VPS37A: variants seen among roughly 807,000 people sequenced by gnomAD.
VPS37A encodes VPS37A subunit of ESCRT-I, also known as vacuolar protein sorting-associated protein 37A.
Under a neutral mutation model 49.8 loss-of-function variants are expected in VPS37A, and 30 were observed. The ratio of observed to expected loss-of-function variants is 0.60; its 90% CI spans 0.45 to 0.82. The LOEUF is 0.82. Among genes scored for constraint, VPS37A ranks in the 40% least tolerant of loss-of-function variants. The pLI is 0.00. For synonymous variants in VPS37A, 195 were observed against 160.6 expected (o/e 1.21, Z -1.62); for missense variants, 593 against 464.4 (o/e 1.28, Z -2.55).
chr8:17,274,707 T>C (rs1013126709), intron 4 of VPS37A, 26 bp from the exon 5 acceptor site: 10 of 1,570,822 alleles, frequency 6.4e-6, no homozygotes, highest in South Asian at 1.1e-5. Context: ...AAATCTAATG[T>C]AATGATCTTC....
chr8:17,279,518 A>C (rs575557175), intron 6 of VPS37A, among the ~76,000 whole-genome samples: 1 of 152,252 alleles, frequency 6.6e-6, no homozygotes, highest in South Asian at 2.1e-4. Flanking sequence ...TAAATTTTAC[A>C]TATCAGTAAG....
At chr8:17,249,278 G>A (rs1811754008) in intron 1 of VPS37A, among the ~76,000 whole-genome samples, 2 of 152,298 alleles carry the variant, frequency 1.3e-5, no homozygotes, top group African/African-American at 4.8e-5. Flanking sequence ...AGCAGCAATT[G>A]TTAATGTAAA....
the VPS37A span, among the ~76,000 whole-genome samples, chr8:17,312,399 AC>A: frequency 6.6e-6 from 1 of 152,030 alleles, no homozygotes; most frequent in South Asian, 2.1e-4. Flanking sequence ...ACATGGTGAA[AC>A]CCCGTCTCTA....
chr8:17,317,018 A>C, the VPS37A span, among the ~76,000 whole-genome samples: 4 of 152,160 alleles, frequency 2.6e-5, no homozygotes, highest in African/African-American at 7.2e-5. Context: ...GGTAATGCTG[A>C]TGCTTTAAGT....
chr8:17,300,115 T>C (rs781461737), downstream of VPS37A: 8 of 1,614,160 alleles, frequency 5.0e-6, no homozygotes, highest in South Asian at 1.1e-5. Context: ...CTGGGGAGTG[T>C]TGGCTATGCT....
In VPS37A at chr8:17,276,482, T is replaced by G. The variant is rs745575912; in HGVS notation, c.713+15T>G. 1 of 1,604,264 alleles carries G rather than the reference T, an allele frequency of 6.2e-7. No homozygotes were observed. The highest frequency in any genetic ancestry group is 8.5e-7 in the Non-Finnish European group (1 of 1,175,458). On this transcript the variant is annotated intron_variant, in intron 6 of 11. Transcript: ENST00000324849. ...TCAGAACTAAGGTAAACCTGGAAAGTAAAGTTGGTCACATTGTCTATTTTA... is the reference window on the plus strand; with the variant it reads ...TCAGAACTAAGGTAAACCTGGAAAGGAAAGTTGGTCACATTGTCTATTTTA...
rs773370398 is a variant in VPS37A at position 17,286,398 on chromosome 8, A to G, written c.1165A>G (p.Met389Val). The change falls in exon 11 of 12, where the codon ATG becomes GTG. Residue 389 changes from methionine (M) to valine (V), a missense_variant. Physicochemically the swap from Met to Val is conservative, Grantham distance 21 (BLOSUM62 1). Coordinates refer to ENST00000324849, the MANE Select transcript of VPS37A (RefSeq NM_152415.3). The part of the protein sequence containing the change: ...KEEKLQQAIA[M>V]HSQFHAPL ...AGAGAAACTTCAGCAGGCGATAGCA[A>G]TGCACAGCCAATTTCATGCTCCACT... 29 of 1,613,802 alleles carry G rather than the reference A, an allele frequency of 1.8e-5. No homozygotes were observed. The highest frequency in any genetic ancestry group is 5.0e-5 in the Admixed American group (3 of 59,982).
At chr8:17,251,771 C>G (rs1812004438) in intron 1 of VPS37A, among the ~76,000 whole-genome samples, 1 of 152,152 alleles carries the variant, frequency 6.6e-6, no homozygotes, top group South Asian at 2.1e-4. Flanking sequence ...GCCATTCTCC[C>G]TAGTCTTTAA....
the VPS37A span, chr8:17,331,208 C>T: frequency 1.9e-6 from 3 of 1,612,752 alleles, no homozygotes; most frequent in Non-Finnish European, 2.5e-6. Flanking sequence ...TCCCGATAAA[C>T]TGAAACTTGA....
intron 1 of VPS37A, 52 bp downstream of exon 1, chr8:17,247,421 G>GGGGGA: frequency 1.8e-5 from 3 of 163,976 alleles, no homozygotes; most frequent in South Asian, 5.2e-5. Context: ...GGGAGGGCGG[G>GGGGGA]CTTGTCCTAA....
chr8:17,327,703 C>G, the VPS37A span, among the ~76,000 whole-genome samples: 1 of 151,750 alleles, frequency 6.6e-6, no homozygotes, highest in Non-Finnish European at 1.5e-5. Flanking sequence ...TTAAATAATA[C>G]GATAAATATT....
the VPS37A span, chr8:17,326,311 GCAA>G: frequency 2.0e-5 from 3 of 152,126 alleles, no homozygotes; most frequent in African/African-American, 2.4e-5. Flanking sequence ...GATAAGAGTG[GCAA>G]CAACAACTTC....
chr8:17,323,098 C>T, the VPS37A span, among the ~76,000 whole-genome samples: 1 of 151,844 alleles, frequency 6.6e-6, no homozygotes, highest in Non-Finnish European at 1.5e-5. Context: ...CAGGCATACA[C>T]CACCACGCCC....
At chr8:17,299,491 CATG>C, downstream of VPS37A, 1 of 182,214 alleles carries the variant, frequency 5.5e-6, no homozygotes, top group South Asian at 1.3e-4. Flanking sequence ...CTAAAAGAAT[CATG>C]ATGATCACAG....
chr8:17,256,604 T>C (rs1812484930), intron 1 of VPS37A, among the ~76,000 whole-genome samples: 1 of 151,260 alleles, frequency 6.6e-6, no homozygotes, highest in South Asian at 2.1e-4. Flanking sequence ...CTCTTTACTT[T>C]GTTGATTGTT....
At chr8:17,270,520 C>A (rs986569648) in intron 4 of VPS37A, among the ~76,000 whole-genome samples, 5 of 152,116 alleles carry the variant, frequency 3.3e-5, no homozygotes, top group East Asian at 3.9e-4. Flanking sequence ...AGCATTCCAA[C>A]CAAGTGGAAG....
chr8:17,300,856 G>T (rs1320654764), downstream of VPS37A, among the ~76,000 whole-genome samples: 1 of 152,158 alleles, frequency 6.6e-6, no homozygotes, highest in Non-Finnish European at 1.5e-5. Context: ...TATATAAATT[G>T]AATGGAATCA....
chr8:17,301,912 A>C, downstream of VPS37A: 3 of 443,206 alleles, frequency 6.8e-6, no homozygotes, highest in Non-Finnish European at 7.9e-6. Context: ...GTTGACCTAA[A>C]ATAAGGAACA....
chr8:17,252,601 C>T (rs569279729), intron 1 of VPS37A, among the ~76,000 whole-genome samples: 2 of 152,280 alleles, frequency 1.3e-5, no homozygotes, highest in South Asian at 4.1e-4. Flanking sequence ...AATGGAAAAT[C>T]TGGAAAGATT....
Sources: gnomAD v4.1 joint callset for allele counts (sites outside exome capture counted in the v4.1 genomes callset) on GRCh38, gnomAD v4.1.1 for gene constraint, MANE v1.5 for transcripts, NCBI Gene and HGNC (gene_info 2026-07-23, HGNC 2026-07-21) for gene names.